PTPRT: variants seen among roughly 807,000 people sequenced by gnomAD.
PTPRT encodes receptor-type tyrosine-protein phosphatase T.
In PTPRT, 56 loss-of-function variants were observed where a neutral mutation model predicts 176.8. The ratio of observed to expected loss-of-function variants is 0.32; its 90% CI spans 0.26 to 0.40. The LOEUF (loss-of-function observed/expected upper bound fraction) is 0.40. Ranked by LOEUF, PTPRT falls within the 10% of genes least tolerant of loss-of-function variation. The pLI is 1.00. For missense variants in PTPRT, 1,540 were observed against 1,908.2 expected (o/e 0.81, Z 3.60); for synonymous variants, 783 against 739.0 (o/e 1.06, Z -0.96).
chr20:42,880,225 C>A (rs1046853685), intron 2 of PTPRT, among the ~76,000 whole-genome samples: 1 of 152,064 alleles, frequency 6.6e-6, no homozygotes, highest in Non-Finnish European at 1.5e-5. Context: ...CAGTGGGATT[C>A]CCAGAGAAAA....
At chr20:42,933,269 C>A (rs1364782663) in intron 1 of PTPRT, among the ~76,000 whole-genome samples, 1 of 152,236 alleles carries the variant, frequency 6.6e-6, no homozygotes, top group Non-Finnish European at 1.5e-5. Context: ...CTGCCACCTA[C>A]CAACCCAATT....
intron 1 of PTPRT, among the ~76,000 whole-genome samples, chr20:42,905,289 C>T (rs1276149319): frequency 1.3e-5 from 2 of 152,188 alleles, no homozygotes; most frequent in African/African-American, 4.8e-5. Context: ...AAGAAGACAT[C>T]TATGCAGCCA....
chr20:42,786,615 C>A (rs892967512), intron 3 of PTPRT, among the ~76,000 whole-genome samples: 1 of 152,098 alleles, frequency 6.6e-6, no homozygotes, highest in African/African-American at 2.4e-5. Flanking sequence ...GTCCTTTCCC[C>A]CCATGCCTCA....
intron 6 of PTPRT, among the ~76,000 whole-genome samples, chr20:42,692,301 T>G (rs1323345983): frequency 6.6e-6 from 1 of 152,200 alleles, no homozygotes; most frequent in Admixed American, 6.5e-5. Context: ...TCCTACATAT[T>G]GTATTACCAA....
At chr20:43,096,543 G>GAA (rs2012176537) in intron 1 of PTPRT, among the ~76,000 whole-genome samples, 2 of 152,316 alleles carry the variant, frequency 1.3e-5, no homozygotes, top group African/African-American at 4.8e-5. Flanking sequence ...TGACAGAGGG[G>GAA]GTTCCTCCAC....
chr20:42,760,999 G>A (rs749474608), intron 5 of PTPRT, among the ~76,000 whole-genome samples: 3 of 152,252 alleles, frequency 2.0e-5, no homozygotes, highest in African/African-American at 7.2e-5. Context: ...ACACTAAGTC[G>A]AGCATTGAAA....
chr20:42,109,054 A>AAAT (rs775310049), intron 23 of PTPRT, among the ~76,000 whole-genome samples: 17 of 152,222 alleles, frequency 1.1e-4, no homozygotes, highest in Non-Finnish European at 2.1e-4. Flanking sequence ...GCAAAGCAGA[A>AAAT]AATACATGCA....
At chr20:43,142,956 C>G (rs968835243) in intron 1 of PTPRT, among the ~76,000 whole-genome samples, 2 of 152,176 alleles carry the variant, frequency 1.3e-5, no homozygotes, top group Admixed American at 6.5e-5. Flanking sequence ...CCACAATTAC[C>G]CTTGAAGTAA....
chr20:43,131,453 T>C lies in PTPRT; in HGVS notation c.88+58193A>G, dbSNP rs536722213. ...GAACTTTCAAATGTTTCTGTAATAATGATATATTATTTCTATAATAATTTG... is the reference window on the plus strand; with the variant it reads ...GAACTTTCAAATGTTTCTGTAATAACGATATATTATTTCTATAATAATTTG... On this transcript the variant is annotated intron_variant, in intron 1 of 30. Coordinates refer to ENST00000373187, the MANE Select transcript of PTPRT (RefSeq NM_007050.6). 6.4e-3 allele frequency among the ~76,000 whole-genome samples: 969 copies of C among 152,360 alleles called. 15 individuals carry two copies. The highest frequency in any genetic ancestry group is 8.3e-3 in the Non-Finnish European group (565 of 68,038).
chr20:42,824,739 A>G (rs1451131981), intron 2 of PTPRT, among the ~76,000 whole-genome samples: 2 of 152,058 alleles, frequency 1.3e-5, no homozygotes, highest in African/African-American at 2.4e-5. Flanking sequence ...ATAGGGAAAT[A>G]ACTTTTGAAG....
intron 11 of PTPRT, among the ~76,000 whole-genome samples, chr20:42,317,518 C>T (rs770604001): frequency 2.0e-5 from 3 of 152,048 alleles, no homozygotes; most frequent in Admixed American, 6.6e-5. Flanking sequence ...GAGGTGGTTG[C>T]AGTAGGGGAC....
At chr20:42,529,496 AT>A (rs899199793) in intron 7 of PTPRT, among the ~76,000 whole-genome samples, 1 of 151,964 alleles carries the variant, frequency 6.6e-6, no homozygotes, top group African/African-American at 2.4e-5. Flanking sequence ...ATTTTATTTT[AT>A]TTTTTTGGAG....
intron 6 of PTPRT, among the ~76,000 whole-genome samples, chr20:42,706,216 T>C (rs908973979): frequency 2.1e-5 from 3 of 145,230 alleles, no homozygotes; most frequent in South Asian, 4.3e-4. Context: ...TGTGTGTGTG[T>C]GTATGTGTGT....
chr20:42,391,145 G>A (rs993679114), intron 9 of PTPRT, among the ~76,000 whole-genome samples: 1 of 152,138 alleles, frequency 6.6e-6, no homozygotes, highest in Non-Finnish European at 1.5e-5. Context: ...GCGTGGCTAG[G>A]AACTCTTTAA....
intron 9 of PTPRT, among the ~76,000 whole-genome samples, chr20:42,366,533 C>T (rs2058517170): frequency 6.6e-6 from 1 of 152,200 alleles, no homozygotes; most frequent in Non-Finnish European, 1.5e-5. Context: ...CCCTCTCTGT[C>T]CAGTTCTTCT....
At chr20:43,181,157 G>A (rs1426428547) in intron 1 of PTPRT, among the ~76,000 whole-genome samples, 1 of 152,184 alleles carries the variant, frequency 6.6e-6, no homozygotes, top group Non-Finnish European at 1.5e-5. Context: ...CCGTGAGTAA[G>A]TGAATCCCGC....
intron 1 of PTPRT, among the ~76,000 whole-genome samples, chr20:43,149,607 T>C (rs1416984714): frequency 6.6e-6 from 1 of 152,202 alleles, no homozygotes; most frequent in Admixed American, 6.5e-5. Flanking sequence ...CTCAGAACTT[T>C]CATGAAGTGG....
At chr20:42,170,161 A>T (rs1990017127) in intron 16 of PTPRT, among the ~76,000 whole-genome samples, 1 of 152,180 alleles carries the variant, frequency 6.6e-6, no homozygotes, top group Admixed American at 6.5e-5. Context: ...CCCTCATGCC[A>T]AGATAAGAGG....
At chr20:43,002,437 T>C (rs919677781) in intron 1 of PTPRT, among the ~76,000 whole-genome samples, 2 of 152,180 alleles carry the variant, frequency 1.3e-5, no homozygotes, top group African/African-American at 4.8e-5. Context: ...CTGTAAATAT[T>C]TAGTTCCTTT....
Sources: gnomAD v4.1 joint callset for allele counts (sites outside exome capture counted in the v4.1 genomes callset) on GRCh38, gnomAD v4.1.1 for gene constraint, MANE v1.5 for transcripts, NCBI Gene and HGNC (gene_info 2026-07-23, HGNC 2026-07-21) for gene names.